PTPRN2: variants seen among roughly 807,000 people sequenced by gnomAD.
PTPRN2 encodes protein tyrosine phosphatase receptor type N2, also known as receptor-type tyrosine-protein phosphatase N2.
In PTPRN2, 74 loss-of-function variants were observed where a neutral mutation model predicts 118.8. The ratio of observed to expected loss-of-function variants is 0.62; its 90% CI spans 0.52 to 0.76. The LOEUF is 0.76. Ranked by LOEUF, PTPRN2 falls within the 30% of genes least tolerant of loss-of-function variation. The probability of loss-of-function intolerance (pLI) is 0.00; values close to 1 mark genes in which losing one functional copy is unlikely to be tolerated. For synonymous variants in PTPRN2, 641 were observed against 608.0 expected (o/e 1.05, Z -0.80); for missense variants, 1,481 against 1,394.4 (o/e 1.06, Z -0.99).
At chr7:157,701,847 G>A (rs976779540) in intron 12 of PTPRN2, among the ~76,000 whole-genome samples, 1 of 150,518 alleles carries the variant, frequency 6.6e-6, no homozygotes, top group Admixed American at 6.6e-5. Flanking sequence ...AAGAAAGCCC[G>A]GTCGGTGCTG....
intron 19 of PTPRN2, among the ~76,000 whole-genome samples, chr7:157,576,243 C>G (rs1046851758): frequency 6.6e-6 from 1 of 152,230 alleles, no homozygotes; most frequent in African/African-American, 2.4e-5. Flanking sequence ...CTCGCTACCT[C>G]TTTCATCCCA....
At chr7:157,559,613 C>G (rs534841663) in intron 21 of PTPRN2, among the ~76,000 whole-genome samples, 1 of 152,188 alleles carries the variant, frequency 6.6e-6, no homozygotes, top group Non-Finnish European at 1.5e-5. Flanking sequence ...GAAGGAGTGA[C>G]TGCCCGGCAG....
chr7:157,834,636 C>A (rs1253551762), intron 12 of PTPRN2, among the ~76,000 whole-genome samples: 2 of 152,398 alleles, frequency 1.3e-5, no homozygotes, highest in African/African-American at 4.8e-5. Flanking sequence ...GGCGAGCGGG[C>A]GGCTCCAGAC....
chr7:158,052,539 G>T (rs1278901012), intron 11 of PTPRN2, among the ~76,000 whole-genome samples: 1 of 152,210 alleles, frequency 6.6e-6, no homozygotes, highest in African/African-American at 2.4e-5. Context: ...GAGGGGTGCG[G>T]CCGCTGCTTT....
chr7:157,686,921 T>C (rs937752142), intron 12 of PTPRN2, among the ~76,000 whole-genome samples: 2 of 152,112 alleles, frequency 1.3e-5, no homozygotes, highest in African/African-American at 4.8e-5. Flanking sequence ...TTAAGTTAAT[T>C]TTATCCCAGG....
intron 12 of PTPRN2, among the ~76,000 whole-genome samples, chr7:157,849,487 C>T (rs1284551909): frequency 1.3e-5 from 2 of 152,226 alleles, no homozygotes; most frequent in African/African-American, 4.8e-5. Context: ...GATGCTGCTG[C>T]AGCCCCACGC....
At chr7:158,193,239 C>A (rs115361637) in intron 4 of PTPRN2, among the ~76,000 whole-genome samples, 1 of 152,200 alleles carries the variant, frequency 6.6e-6, no homozygotes, top group African/African-American at 2.4e-5. Context: ...AAGAACCAGG[C>A]ACGGCTGGCC....
chr7:158,469,372 G>C (rs1464994540), intron 2 of PTPRN2, among the ~76,000 whole-genome samples: 1 of 152,098 alleles, frequency 6.6e-6, no homozygotes, highest in Non-Finnish European at 1.5e-5. Flanking sequence ...ACCCCAGGAG[G>C]GGGAGGTTGC....
Position 157,617,461 on chromosome 7 carries a change from C to A in PTPRN2, c.2344+3901G>T, listed in dbSNP as rs13310663. On this transcript the variant is annotated intron_variant, in intron 15 of 22. Transcript: ENST00000389418. The surrounding 1 kb of genome is among the most constrained non-coding windows in gnomAD (Gnocchi z 7.5). ...ACGCAGCTGCAGCGCAGAGCACGGG[C>A]GACGCTGGCTCACGATGCCCCAGTG... is the stretch of plus-strand genomic sequence containing the variant. 1.0e-5 allele frequency: 1 copy of A among 98,864 alleles called. No homozygotes were observed. Among genetic ancestry groups the A allele is most frequent in the Non-Finnish European group, 2.0e-5 (1 of 49,226 alleles). The allele number at this position is 98,864 out of a possible 1,614,324, so 6.1% of individuals were successfully genotyped here.
At chr7:158,131,897 T>C (rs1331303550) in intron 9 of PTPRN2, among the ~76,000 whole-genome samples, 1 of 145,318 alleles carries the variant, frequency 6.9e-6, no homozygotes, top group African/African-American at 2.6e-5. Context: ...TACACACACA[T>C]GGGCATATAC....
intron 8 of PTPRN2, among the ~76,000 whole-genome samples, chr7:158,136,401 G>C (rs1018854467): frequency 4.6e-5 from 7 of 152,090 alleles, no homozygotes; most frequent in African/African-American, 1.4e-4. Context: ...TTTCTTCTTT[G>C]CATTTACCAC....
chr7:158,510,730 A>T (rs528276024), intron 1 of PTPRN2, among the ~76,000 whole-genome samples: 1 of 152,392 alleles, frequency 6.6e-6, no homozygotes, highest in South Asian at 2.1e-4. Context: ...TGAGGAAAAG[A>T]AGAGAAAGAG....
intron 13 of PTPRN2, among the ~76,000 whole-genome samples, chr7:157,667,214 C>T (rs1426567963): frequency 9.3e-6 from 1 of 107,808 alleles, no homozygotes; most frequent in Non-Finnish European, 2.1e-5. Context: ...CTTGCACGCT[C>T]AGCCTGTGGG....
intron 14 of PTPRN2, among the ~76,000 whole-genome samples, chr7:157,631,363 A>G (rs1803930502): frequency 6.6e-6 from 1 of 152,202 alleles, no homozygotes; most frequent in African/African-American, 2.4e-5. Context: ...TGGTTTTGAG[A>G]CCGGGAACGC....
chr7:157,740,229 G>A (rs986025645), intron 12 of PTPRN2: 4 of 152,208 alleles, frequency 2.6e-5, no homozygotes, highest in African/African-American at 9.7e-5. Flanking sequence ...TGTATACATT[G>A]TTAAATTTAA....
intron 3 of PTPRN2, among the ~76,000 whole-genome samples, chr7:158,269,684 CAGG>C (rs1458616601): frequency 2.6e-5 from 4 of 152,032 alleles, no homozygotes; most frequent in Non-Finnish European, 5.9e-5. Flanking sequence ...TGCCAGGGCC[CAGG>C]AGGACAGCAA....
chr7:158,236,288 A>G (rs569183515), intron 3 of PTPRN2, among the ~76,000 whole-genome samples: 1 of 152,248 alleles, frequency 6.6e-6, no homozygotes, highest in East Asian at 1.9e-4. Flanking sequence ...ATGTCTTCAG[A>G]GGAGCCCCAG....
chr7:158,431,578 TACTGGCTCAC>T (rs556640774), intron 2 of PTPRN2, among the ~76,000 whole-genome samples: 2,537 of 112,538 alleles, frequency 0.023, 34 homozygotes, highest in Middle Eastern at 0.041. Context: ...ACTGGCCACA[TACTGGCTCAC>T]ACTGGCTCAC....
intron 11 of PTPRN2, among the ~76,000 whole-genome samples, chr7:158,035,999 G>C (rs911292587): frequency 6.6e-6 from 1 of 152,150 alleles, no homozygotes; most frequent in Non-Finnish European, 1.5e-5. Context: ...AGACTTACTG[G>C]CAGAAATTAA....
Sources: gnomAD v4.1 joint callset for allele counts (sites outside exome capture counted in the v4.1 genomes callset) on GRCh38, gnomAD v4.1.1 for gene constraint, Gnocchi (gnomAD v3.1) non-coding constraint, MANE v1.5 for transcripts, NCBI Gene and HGNC (gene_info 2026-07-23, HGNC 2026-07-21) for gene names.